Variants in ABCC9 observed in about 807,000 individuals in gnomAD.
ABCC9 encodes ATP binding cassette subfamily C member 9.
ABCC9 carries 95 observed loss-of-function variants against 188.3 expected under a neutral mutation model. That is an observed-to-expected ratio of 0.50 (90% CI 0.43 to 0.60). The LOEUF is 0.60. ABCC9 is among the 20% of genes least tolerant of loss of function. The probability of loss-of-function intolerance (pLI) is 0.00; values close to 1 mark genes in which losing one functional copy is unlikely to be tolerated. For missense variants in ABCC9, 1,102 were observed against 1,876.3 expected (o/e 0.59, Z 7.62); for synonymous variants, 659 against 652.7 (o/e 1.01, Z -0.15).
chr12:21,810,034 T>C lies in ABCC9; in HGVS notation c.4212-79A>G. ...TGTATATTTGCTTATTGCTTTTCTTTCCTTACAATGTAAGTTCCATTTGTT... is the reference window on the plus strand; with the variant it reads ...TGTATATTTGCTTATTGCTTTTCTTCCCTTACAATGTAAGTTCCATTTGTT... On this transcript the variant is annotated intron_variant, in intron 36 of 39. Transcript: ENST00000261200. The C allele has an allele frequency of 7.7e-6, 7 of 904,028 alleles. 1 individual carries two copies. In the South Asian group the frequency reaches 9.4e-5, roughly 12 times the overall value. The allele number at this position is 904,028 out of a possible 1,614,324, so 56.0% of individuals were successfully genotyped here. A position where few individuals can be genotyped will look rare whatever the true frequency, so the allele number is the denominator to read the frequency against.
chr12:21,827,174 C>A (rs1194336227), intron 31 of ABCC9: 1 of 985,278 alleles, frequency 1.0e-6, no homozygotes, highest in Admixed American at 6.2e-5. Flanking sequence ...GCTGCTGTTC[C>A]TTTCTAATTT....
At chr12:21,898,989 A>G (rs1423570447) in intron 12 of ABCC9, among the ~76,000 whole-genome samples, 1 of 152,218 alleles carries the variant, frequency 6.6e-6, no homozygotes, top group Non-Finnish European at 1.5e-5. Flanking sequence ...TCTTCAAGAA[A>G]ATATCACATC....
rs1179906194 is a variant in ABCC9, at chr12:21,818,271, A to C, written c.3670-20T>G. On this transcript the variant is annotated intron_variant, in intron 31 of 39. Transcript: ENST00000261200. Reference sequence around the variant, plus strand: ...ATAATCCTTTGAAAAAGCAAGAGAAAATGTTAAAAGGTTACTCCCAAGTTC... The same window carrying C: ...ATAATCCTTTGAAAAAGCAAGAGAACATGTTAAAAGGTTACTCCCAAGTTC... The C allele has an allele frequency of 6.2e-7, 1 of 1,602,824 alleles. No homozygotes were observed. Among genetic ancestry groups the C allele is most frequent in the Non-Finnish European group, 8.5e-7 (1 of 1,170,032 alleles).
At chr12:21,810,683 G>T (rs1942176005) in intron 36 of ABCC9, among the ~76,000 whole-genome samples, 1 of 152,114 alleles carries the variant, frequency 6.6e-6, no homozygotes, top group South Asian at 2.1e-4. Flanking sequence ...CATGACACTT[G>T]AGGATTATGG....
At position 21,910,295 on chromosome 12, in the gene ABCC9, T is replaced by G. The variant is rs2137869444; in HGVS notation, c.1182A>C (p.Lys394Asn). 6.2e-7 allele frequency: 1 copy of G among 1,600,870 alleles called. No individual in the cohort carries two copies. Residue 394 changes from lysine (K) to asparagine (N), a missense_variant, in exon 10 of 40, where the codon AAA (lysine) becomes AAC (asparagine). Coordinates refer to ENST00000261200, the MANE Select transcript of ABCC9 (RefSeq NM_020297.4). ...RGALLAMIYNKILRLSTSNLS... is the reference protein window; with the variant it reads ...RGALLAMIYNNILRLSTSNLS... The stretch of plus-strand genomic sequence containing the variant: ...AGTTAGACGTAGAGAGCCTAAGGAT[T>G]TTATTATAAATCATGGCCTACCAAA...
At chr12:21,923,376 T>G (rs1470267976) in intron 5 of ABCC9, 1 of 150,426 alleles carries the variant, frequency 6.6e-6, no homozygotes, top group African/African-American at 2.5e-5. Flanking sequence ...AAGGAAAACA[T>G]TATCAAAACA....
At position 21,883,465 on chromosome 12, in the gene ABCC9, T is replaced by A. The variant is rs571839694; in HGVS notation, c.1912-592A>T. Among the ~76,000 whole-genome samples, 428 of 152,326 alleles carry A rather than the reference T, an allele frequency of 2.8e-3. 1 individual carries two copies. The highest frequency in any genetic ancestry group is 3.5e-3 in the Non-Finnish European group (237 of 68,014). On this transcript the variant is annotated intron_variant, in intron 15 of 39. Transcript: ENST00000261200. ...TGCTTCTCCTTTGCCTTCCACCATGTTTGTGAGGCCTCCCCAGCCATGTGG... is the reference window on the plus strand; with the variant it reads ...TGCTTCTCCTTTGCCTTCCACCATGATTGTGAGGCCTCCCCAGCCATGTGG...
intron 5 of ABCC9, among the ~76,000 whole-genome samples, chr12:21,921,303 A>G (rs532662322): frequency 1.3e-5 from 2 of 151,934 alleles, no homozygotes; most frequent in African/African-American, 4.8e-5. Flanking sequence ...AGTTTTGATA[A>G]GCATTTCTCC....
intron 36 of ABCC9, among the ~76,000 whole-genome samples, chr12:21,811,646 C>A (rs1942248458): frequency 6.6e-6 from 1 of 151,636 alleles, no homozygotes; most frequent in Admixed American, 6.6e-5. Flanking sequence ...TTATTCATAG[C>A]AATTTTGGCT....
At chr12:21,837,110 A>C (rs1944142939) in intron 30 of ABCC9, among the ~76,000 whole-genome samples, 1 of 152,354 alleles carries the variant, frequency 6.6e-6, no homozygotes, top group Middle Eastern at 3.4e-3. Flanking sequence ...TATGGTGTAC[A>C]TATTAATACC....
chr12:21,848,429 G>T (rs1283633295), intron 24 of ABCC9, among the ~76,000 whole-genome samples, 183 bp from the exon 25 acceptor site: 1 of 152,110 alleles, frequency 6.6e-6, no homozygotes, highest in African/African-American at 2.4e-5. Flanking sequence ...TAGACTTGTA[G>T]TAAGTGCTGC....
chr12:21,812,173 A>G lies in ABCC9; in HGVS notation c.4103-16T>C, dbSNP rs992808042. ...ACAATTTTTCCTGTTAAGGAGAAAC[A>G]GAAGTTACACACACATAGTAAAATC... On this transcript the variant is annotated splice_polypyrimidine_tract_variant and intron_variant, in intron 35 of 39. Coordinates refer to ENST00000261200, the MANE Select transcript of ABCC9 (RefSeq NM_020297.4). The G allele has an allele frequency of 2.0e-6, 3 of 1,472,132 alleles. No homozygotes were observed. The highest frequency in any genetic ancestry group is 2.9e-6 in the Non-Finnish European group (3 of 1,050,798). The allele number at this position is 1,472,132 out of a possible 1,614,324, so 91.2% of individuals were successfully genotyped here.
chr12:21,880,707 A>G (rs1485667208), intron 16 of ABCC9, among the ~76,000 whole-genome samples: 1 of 152,146 alleles, frequency 6.6e-6, no homozygotes, highest in Non-Finnish European at 1.5e-5. Flanking sequence ...CGTGGCAAAA[A>G]AATGAGAAGC....
At chr12:21,808,523 GA>G (rs1246795020) in intron 37 of ABCC9, among the ~76,000 whole-genome samples, 1 of 152,034 alleles carries the variant, frequency 6.6e-6, no homozygotes, top group Non-Finnish European at 1.5e-5. Flanking sequence ...TGAGAGAGGG[GA>G]TCTCTAAATG....
At chr12:21,939,452 C>T (rs1181347618) in intron 2 of ABCC9, among the ~76,000 whole-genome samples, 1 of 152,182 alleles carries the variant, frequency 6.6e-6, no homozygotes, top group Non-Finnish European at 1.5e-5. Context: ...ATTCAATCCA[C>T]GTTCCTAATC....
In ABCC9 at chr12:21,887,959, T is replaced by G. The variant is rs368761815; in HGVS notation, c.1803-25A>C. Reference sequence around the variant, plus strand: ...ACTGCAAAAAACAATAAACACAGAATAAGAGTTAACAATAAAACCACCACC... The same window carrying G: ...ACTGCAAAAAACAATAAACACAGAAGAAGAGTTAACAATAAAACCACCACC... On this transcript the variant is annotated intron_variant, in intron 14 of 39. Coordinates refer to ENST00000261200, the MANE Select transcript of ABCC9 (RefSeq NM_020297.4). 1.2e-5 allele frequency: 19 copies of G among 1,552,448 alleles called. No homozygotes were observed. The African/African-American group carries it at 2.0e-4, about 17-fold the overall frequency.
intron 12 of ABCC9, among the ~76,000 whole-genome samples, chr12:21,895,822 T>A (rs1376232356): frequency 6.6e-6 from 1 of 152,214 alleles, no homozygotes; most frequent in Non-Finnish European, 1.5e-5. Context: ...ACTCTCTGCG[T>A]GTCTAAATAT....
At chr12:21,922,739 C>CTT (rs774569928) in intron 5 of ABCC9, among the ~76,000 whole-genome samples, 12 of 125,768 alleles carry the variant, frequency 9.5e-5, no homozygotes, top group Non-Finnish European at 1.2e-4. Flanking sequence ...TCCTACCAAG[C>CTT]TTTTTTTTTT....
intron 24 of ABCC9, among the ~76,000 whole-genome samples, chr12:21,850,221 T>A (rs1944892611): frequency 6.6e-6 from 1 of 151,470 alleles, no homozygotes; most frequent in Admixed American, 6.6e-5. Flanking sequence ...TTGCCAAATG[T>A]CCTCTAGGAG....
Sources: gnomAD v4.1 joint callset for allele counts (sites outside exome capture counted in the v4.1 genomes callset) on GRCh38, gnomAD v4.1.1 for gene constraint, MANE v1.5 for transcripts, NCBI Gene and HGNC (gene_info 2026-07-23, HGNC 2026-07-21) for gene names.